ELFN1: variants seen among roughly 807,000 people sequenced by gnomAD.
ELFN1 encodes the protein extracellular leucine rich repeat and fibronectin type III domain containing 1.
Under a neutral mutation model 7.6 loss-of-function variants are expected in ELFN1, and 6 were observed. The observed-to-expected ratio is 0.79, with a 90% CI of 0.43 to 1.56. The LOEUF (loss-of-function observed/expected upper bound fraction) is 1.56, where lower values mean the gene tolerates loss of function less well. ELFN1 is among the 40% of genes most tolerant of loss of function. The pLI, the probability that ELFN1 is intolerant of heterozygous loss-of-function variation, is 0.01. For missense variants in ELFN1, 1,169 were observed against 1,232.2 expected, an observed-to-expected ratio of 0.95 and a Z score of 0.77; for synonymous variants, 657 against 588.1, an observed-to-expected ratio of 1.12 and a Z score of -1.70.
intron 3 of ELFN1, among the ~76,000 whole-genome samples, chr7:1,724,045 G>A (rs1234556812): frequency 1.3e-5 from 2 of 152,222 alleles, no homozygotes; most frequent in African/African-American, 2.4e-5. Context: ...CTTAGGCCCC[G>A]GCCCCACCAC....
intron 2 of ELFN1, among the ~76,000 whole-genome samples, chr7:1,694,750 C>G (rs1332021514): frequency 6.6e-6 from 1 of 152,240 alleles, no homozygotes; most frequent in Non-Finnish European, 1.5e-5. Context: ...CTGGCCCGCA[C>G]AGCGGTCCTT....
At chr7:1,731,969 C>T (rs1780334381) in intron 3 of ELFN1, among the ~76,000 whole-genome samples, 1 of 152,184 alleles carries the variant, frequency 6.6e-6, no homozygotes, top group African/African-American at 2.4e-5. Flanking sequence ...CCGTTATAGG[C>T]AGCTATGGAG....
intron 3 of ELFN1, 50 bp from the exon 4 acceptor site, chr7:1,744,254 G>A (rs1583407151): frequency 2.5e-5 from 3 of 120,480 alleles, no homozygotes; most frequent in Middle Eastern, 3.8e-3. Context: ...TCCCCTGACC[G>A]CTGTCTTCTC....
At chr7:1,690,957 A>T (rs966319954) in intron 2 of ELFN1, among the ~76,000 whole-genome samples, 2 of 152,178 alleles carry the variant, frequency 1.3e-5, no homozygotes, top group Admixed American at 1.3e-4. Flanking sequence ...GAATGAGTGG[A>T]TGATACATAC....
chr7:1,736,426 G>A (rs1047292639), intron 3 of ELFN1, among the ~76,000 whole-genome samples: 2 of 152,188 alleles, frequency 1.3e-5, no homozygotes, highest in Non-Finnish European at 2.9e-5. Context: ...AATATTTTTA[G>A]ACAGATGCAC....
intron 2 of ELFN1, among the ~76,000 whole-genome samples, chr7:1,706,889 T>A (rs909824691): frequency 1.7e-4 from 26 of 152,236 alleles, no homozygotes; most frequent in African/African-American, 6.0e-4. Context: ...ATTGGATGCC[T>A]GGGCCTGGAT....
At chr7:1,714,879 A>G (rs1459404727) in intron 3 of ELFN1, among the ~76,000 whole-genome samples, 2 of 152,246 alleles carry the variant, frequency 1.3e-5, no homozygotes, top group African/African-American at 4.8e-5. Flanking sequence ...AGACAGCAGC[A>G]GTGGAGCTGG....
intron 3 of ELFN1, among the ~76,000 whole-genome samples, chr7:1,711,932 C>T (rs1003340358): frequency 2.6e-5 from 4 of 152,184 alleles, no homozygotes; most frequent in Admixed American, 6.5e-5. Flanking sequence ...ACCCACGTTG[C>T]GGCAGAGAGA....
In ELFN1 at chr7:1,735,102, GT is replaced by G. The variant is rs1780408136; in HGVS notation, c.-293-9199del. Among the ~76,000 whole-genome samples, 1 of 152,162 alleles carries G rather than the reference GT, an allele frequency of 6.6e-6. No individual in the cohort carries two copies. The highest frequency in any genetic ancestry group is 2.1e-4 in the South Asian group (1 of 4,824). On this transcript the variant is annotated intron_variant, in intron 3 of 3. Coordinates refer to ENST00000424383, the MANE Select transcript of ELFN1 (RefSeq NM_001128636.4). This position sits in a 1 kb window ranked among gnomAD's most constrained non-coding sequence, Gnocchi z 5.9. ...CTAGACTTTCCCATGCTGAGCCTCT[GT>G]TTCCCCATCTGTCCAATTGAGGTAA...
chr7:1,724,857 T>A (rs577567678), intron 3 of ELFN1, among the ~76,000 whole-genome samples: 1 of 152,314 alleles, frequency 6.6e-6, no homozygotes, highest in South Asian at 2.1e-4. Flanking sequence ...CTGGCACCCC[T>A]TTTGGCCTGT....
chr7:1,675,763 A>G (rs1778858543), intron 1 of ELFN1, among the ~76,000 whole-genome samples: 1 of 152,218 alleles, frequency 6.6e-6, no homozygotes, highest in Non-Finnish European at 1.5e-5. Context: ...AGTCAAGGAC[A>G]GCTGTGTGCC....
chr7:1,675,989 G>T (rs1778862895), intron 1 of ELFN1, among the ~76,000 whole-genome samples: 1 of 152,206 alleles, frequency 6.6e-6, no homozygotes, highest in Non-Finnish European at 1.5e-5. Flanking sequence ...GGGCTGTGCT[G>T]TGGCTCCTGC....
chr7:1,707,827 G>GCA (rs911854063), intron 2 of ELFN1, among the ~76,000 whole-genome samples: 10 of 151,994 alleles, frequency 6.6e-5, no homozygotes, highest in Admixed American at 6.5e-4. Context: ...TCATCTATTT[G>GCA]CACACACACA....
chr7:1,744,271 CCCCTGACCGCTGTCTTCTCTCTT>C lies in ELFN1; in HGVS notation c.-293-32_-293-10del. The C allele has an allele frequency of 2.9e-6, 1 of 343,694 alleles. No individual in the cohort carries two copies. 21.3% of individuals were successfully genotyped at this position (343,694 alleles called of 1,614,324 possible). A position where few individuals can be genotyped will look rare whatever the true frequency, so the allele number is the denominator to read the frequency against. ...CCCTGACCGCTGTCTTCTCTCTTGT[CCCCTGACCGCTGTCTTCTCTCTT>C]GTCTTGCAGCAGGAACGTCGGAGCA... On this transcript the variant is annotated splice_polypyrimidine_tract_variant and intron_variant, in intron 3 of 3. Transcript: ENST00000424383.
chr7:1,739,262 C>G lies in ELFN1; in HGVS notation c.-293-5042C>G, dbSNP rs1471788744. ...ACCAGGTGGTACCTTGGGCGTCGTC[C>G]CCGCTGGAGGTGGGTTTGGGCGGTC... On this transcript the variant is annotated intron_variant, in intron 3 of 3. Transcript: ENST00000424383. The surrounding 1 kb of genome is among the most constrained non-coding windows in gnomAD (Gnocchi z 4.6). The G allele has an allele frequency of 6.6e-6, 1 of 152,232 alleles. No homozygotes were observed. The highest frequency in any genetic ancestry group is 1.5e-5 in the Non-Finnish European group (1 of 68,142). 9.4% of individuals were successfully genotyped at this position (152,232 alleles called of 1,614,324 possible). A position where few individuals can be genotyped will look rare whatever the true frequency, so the allele number is the denominator to read the frequency against.
Position 1,747,109 on chromosome 7 carries a change from T to A in ELFN1, c.*26T>A, listed in dbSNP as rs1780826807. Reference sequence around the variant, plus strand: ...GCCCCCCAAGACCGGCGATGCCCACTGGACCAAAAAGGATGCAGGATCCAC... The same window carrying A: ...GCCCCCCAAGACCGGCGATGCCCACAGGACCAAAAAGGATGCAGGATCCAC... On this transcript the variant is annotated 3_prime_UTR_variant, in exon 4 of 4. Coordinates refer to ENST00000424383, the MANE Select transcript of ELFN1 (RefSeq NM_001128636.4). 6.9e-7 allele frequency: 1 copy of A among 1,444,160 alleles called. No individual in the cohort carries two copies. Among genetic ancestry groups the A allele is most frequent in the African/African-American group, 1.5e-5 (1 of 68,822 alleles). The allele number at this position is 1,444,160 out of a possible 1,614,324, so 89.5% of individuals were successfully genotyped here.
In ELFN1 at chr7:1,746,952, C is replaced by T. The variant is rs557288458; in HGVS notation, c.2356C>T (p.Arg786Trp). ...IWERFRLSRR[R>W]HKEEEEFMAA... The stretch of plus-strand genomic sequence containing the variant: ...GGAGCGCTTCAGACTGAGCCGCCGG[C>T]GGCACAAGGAGGAAGAGGAGTTCAT... The change falls in exon 4 of 4, where the codon CGG (arginine) becomes TGG (tryptophan). Residue 786 changes from arginine to tryptophan, a missense_variant. Coordinates refer to ENST00000424383, the MANE Select transcript of ELFN1 (RefSeq NM_001128636.4). 211 of 1,551,176 alleles carry T rather than the reference C, an allele frequency of 1.4e-4. 1 individual carries two copies. In the Admixed American group the frequency reaches 1.4e-3, roughly 10 times the overall value.
upstream of ELFN1, among the ~76,000 whole-genome samples, chr7:1,669,716 C>T (rs897739323): frequency 9.2e-5 from 14 of 152,298 alleles, no homozygotes; most frequent in Admixed American, 2.0e-4. Flanking sequence ...AGAGGAGGCC[C>T]GGCCTGCGCC....
At chr7:1,680,957 GT>G (rs1183658339) in intron 1 of ELFN1, among the ~76,000 whole-genome samples, 1 of 151,944 alleles carries the variant, frequency 6.6e-6, no homozygotes, top group East Asian at 1.9e-4. Flanking sequence ...GACCAGGCTG[GT>G]CTCGAACTCC....
Sources: gnomAD v4.1 joint callset for allele counts (sites outside exome capture counted in the v4.1 genomes callset) on GRCh38, gnomAD v4.1.1 for gene constraint, Gnocchi (gnomAD v3.1) non-coding constraint, MANE v1.5 for transcripts, NCBI Gene and HGNC (gene_info 2026-07-23, HGNC 2026-07-21) for gene names.